The following CALN1 variants were observed in gnomAD, a reference collection of about 807,000 sequenced individuals.
CALN1 encodes calcium-binding protein 8.
CALN1 carries 17 observed loss-of-function variants against 30.6 expected under a neutral mutation model. That is an observed-to-expected ratio of 0.56 (90% CI 0.38 to 0.83). CALN1 has a LOEUF of 0.83. CALN1 is among the 40% of genes least tolerant of loss of function. The pLI, the probability that CALN1 is intolerant of heterozygous loss-of-function variation, is 0.00. For synonymous variants in CALN1, 156 were observed against 131.4 expected, an observed-to-expected ratio of 1.19 and a Z score of -1.28; for missense variants, 291 against 354.9, an observed-to-expected ratio of 0.82 and a Z score of 1.45.
upstream of CALN1, among the ~76,000 whole-genome samples, chr7:72,413,934 C>T (rs1807340357): frequency 6.6e-6 from 1 of 152,054 alleles, no homozygotes; most frequent in Non-Finnish European, 1.5e-5. Flanking sequence ...CATGCACCCT[C>T]ACATATACTC....
At chr7:71,803,062 A>T (rs1176714454) in intron 6 of CALN1, among the ~76,000 whole-genome samples, 1 of 152,150 alleles carries the variant, frequency 6.6e-6, no homozygotes, top group East Asian at 1.9e-4. Context: ...TATAGCAAGC[A>T]TATTTTATCA....
rs374120222 is a variant in CALN1 at position 71,980,609 on chromosome 7, C to A, written c.501+43048G>T. On this transcript the variant is annotated intron_variant, in intron 5 of 6. Transcript: ENST00000395275. ...TAACTCAGGATCTAGCAGCAGTACACCAGTCCAGTGGGCGATAGAAGGGCC... is the reference window on the plus strand; with the variant it reads ...TAACTCAGGATCTAGCAGCAGTACAACAGTCCAGTGGGCGATAGAAGGGCC... Among the ~76,000 whole-genome samples, 8 of 152,162 alleles carry A rather than the reference C, an allele frequency of 5.3e-5. No individual in the cohort carries two copies. The East Asian group carries it at 5.8e-4, about 11-fold the overall frequency.
chr7:72,363,557 T>C (rs947453125), intron 2 of CALN1, among the ~76,000 whole-genome samples: 1 of 147,722 alleles, frequency 6.8e-6, no homozygotes, highest in African/African-American at 2.6e-5. Flanking sequence ...AAAAGACAAA[T>C]GCACATAAAC....
chr7:72,263,065 C>T (rs1415679695), intron 3 of CALN1, among the ~76,000 whole-genome samples: 1 of 152,208 alleles, frequency 6.6e-6, no homozygotes, highest in East Asian at 1.9e-4. Flanking sequence ...TGCTTCTCCT[C>T]TAAAGAGCTA....
Position 71,780,608 on chromosome 7 carries a change from C to T in CALN1, c.*7167G>A, listed in dbSNP as rs187468503. On this transcript the variant is annotated 3_prime_UTR_variant, in exon 7 of 7. Transcript: ENST00000395275. ...CTGTTAATCTAATTCCTCACAATCA[C>T]CAAAGATCACGACTCTCTTCTTTCT... 2.0e-5 allele frequency: 3 copies of T among 151,988 alleles called. No homozygotes were observed. The highest frequency in any genetic ancestry group is 4.8e-5 in the African/African-American group (2 of 41,448). 9.4% of individuals were successfully genotyped at this position (151,988 alleles called of 1,614,324 possible).
intron 3 of CALN1, among the ~76,000 whole-genome samples, chr7:72,136,559 C>T (rs936965976): frequency 9.9e-5 from 15 of 152,224 alleles, no homozygotes; most frequent in African/African-American, 3.6e-4. Context: ...TAGAGTGGCA[C>T]TTTTAATTTC....
chr7:72,349,355 T>C (rs1257464391), intron 2 of CALN1, among the ~76,000 whole-genome samples: 1 of 149,192 alleles, frequency 6.7e-6, no homozygotes, highest in African/African-American at 2.6e-5. Context: ...AGTATTTGAA[T>C]AAATAGTGGC....
chr7:72,095,599 T>C (rs983273937), intron 4 of CALN1, among the ~76,000 whole-genome samples: 2 of 152,140 alleles, frequency 1.3e-5, no homozygotes, highest in African/African-American at 4.8e-5. Flanking sequence ...TGCAGGAGAC[T>C]AGGGAGGGGC....
intron 2 of CALN1, among the ~76,000 whole-genome samples, chr7:72,356,666 C>T (rs76141223): frequency 0.051 from 7,765 of 151,966 alleles, 299 homozygotes; most frequent in Middle Eastern, 0.13. Context: ...AAAGCAAAAC[C>T]TACAAAATTA....
At chr7:72,125,581 T>C (rs942590623) in intron 3 of CALN1, among the ~76,000 whole-genome samples, 1 of 152,196 alleles carries the variant, frequency 6.6e-6, no homozygotes. Flanking sequence ...AATTATAGGA[T>C]GGACTAAGGA....
intron 4 of CALN1, among the ~76,000 whole-genome samples, chr7:72,054,267 T>C (rs925787230): frequency 1.3e-5 from 2 of 151,792 alleles, no homozygotes; most frequent in Non-Finnish European, 2.9e-5. Flanking sequence ...ACCAGCAGTG[T>C]AGTTATTTTT....
chr7:72,250,965 T>C (rs140335577), intron 3 of CALN1, among the ~76,000 whole-genome samples: 3 of 152,188 alleles, frequency 2.0e-5, no homozygotes, highest in East Asian at 3.9e-4. Flanking sequence ...CTTTCCTTTA[T>C]CCTTGGCTGT....
intron 4 of CALN1, among the ~76,000 whole-genome samples, chr7:72,059,863 T>C (rs1457724939): frequency 1.3e-5 from 2 of 152,196 alleles, no homozygotes; most frequent in African/African-American, 4.8e-5. Flanking sequence ...CACTCTACCC[T>C]GCTTCTTTCC....
At chr7:71,812,675 TTC>T (rs1217138518) in intron 5 of CALN1, among the ~76,000 whole-genome samples, 1 of 152,172 alleles carries the variant, frequency 6.6e-6, no homozygotes, top group Non-Finnish European at 1.5e-5. Flanking sequence ...AAGCAATTGT[TTC>T]TTTTTTTTCT....
chr7:72,400,072 G>A (rs1276511920), intron 2 of CALN1, among the ~76,000 whole-genome samples: 2 of 152,132 alleles, frequency 1.3e-5, no homozygotes, highest in Non-Finnish European at 2.9e-5. Flanking sequence ...AGAACCATGA[G>A]CCAAATAAAC....
the CALN1 span, among the ~76,000 whole-genome samples, chr7:72,455,324 T>C: frequency 1.9e-5 from 1 of 51,716 alleles, no homozygotes; most frequent in African/African-American, 9.1e-5. Flanking sequence ...TATATATATG[T>C]GTGTGTGTGT....
In CALN1 at chr7:71,970,752, G is replaced by A. The variant is rs143281221; in HGVS notation, c.501+52905C>T. Among the ~76,000 whole-genome samples the A allele has an allele frequency of 4.0e-3, 603 of 152,240 alleles. 2 individuals carry two copies. Among genetic ancestry groups the A allele is most frequent in the Middle Eastern group, 0.017 (5 of 294 alleles). ...TCAATAAGGAGCAGAGAAGGGAAGT[G>A]CTCCTTATTCACAAAAGGGCTCAAG... is the stretch of plus-strand genomic sequence containing the variant. On this transcript the variant is annotated intron_variant, in intron 5 of 6. Coordinates refer to ENST00000395275, the MANE Select transcript of CALN1 (RefSeq NM_031468.4).
chr7:72,009,302 A>G (rs985322607), intron 5 of CALN1, among the ~76,000 whole-genome samples: 2 of 152,244 alleles, frequency 1.3e-5, no homozygotes, highest in Non-Finnish European at 2.9e-5. Context: ...ACTATAGGTC[A>G]CTTTTATTTA....
intron 5 of CALN1, among the ~76,000 whole-genome samples, chr7:71,985,449 G>A (rs1231056095): frequency 6.6e-6 from 1 of 152,018 alleles, no homozygotes; most frequent in Non-Finnish European, 1.5e-5. Flanking sequence ...TTGAAGACCA[G>A]CCTGGACAAC....
Sources: allele counts gnomAD v4.1 joint callset (sites outside exome capture counted in the v4.1 genomes callset), GRCh38; gene constraint gnomAD v4.1.1; transcripts MANE v1.5; gene names NCBI Gene and HGNC (gene_info 2026-07-23, HGNC 2026-07-21).